The following LRMDA variants were observed in gnomAD, a reference collection of about 807,000 sequenced individuals.
LRMDA encodes the protein leucine rich melanocyte differentiation associated.
LRMDA carries 18 observed loss-of-function variants against 29.8 expected under a neutral mutation model. The ratio of observed to expected loss-of-function variants is 0.60; its 90% CI spans 0.42 to 0.90. The LOEUF is 0.90. LRMDA is among the 40% of genes least tolerant of loss of function. The pLI is 0.00. For synonymous variants in LRMDA, 125 were observed against 109.4 expected (o/e 1.14, Z -0.89); for missense variants, 273 against 273.9 (o/e 1.00, Z 0.02).
At chr10:76,362,708 C>T (rs74148455) in intron 6 of LRMDA, among the ~76,000 whole-genome samples, 3,240 of 152,194 alleles carry the variant, frequency 0.021, 129 homozygotes, top group African/African-American at 0.072. Context: ...TCCACCCTCC[C>T]GCCTTTTAGA....
chr10:75,881,945 A>G (rs1322422403), intron 2 of LRMDA, among the ~76,000 whole-genome samples: 1 of 152,216 alleles, frequency 6.6e-6, no homozygotes, highest in African/African-American at 2.4e-5. Flanking sequence ...GAAAAAGGAT[A>G]TGGTGTTGTG....
chr10:75,877,815 C>T (rs1276861831), intron 2 of LRMDA, among the ~76,000 whole-genome samples: 4 of 152,190 alleles, frequency 2.6e-5, no homozygotes, highest in South Asian at 4.1e-4. Flanking sequence ...CATTGCTAAT[C>T]GCATTGGTAC....
At chr10:76,222,409 C>G (rs1034185405) in intron 5 of LRMDA, among the ~76,000 whole-genome samples, 14 of 151,846 alleles carry the variant, frequency 9.2e-5, no homozygotes, top group Non-Finnish European at 1.3e-4. Flanking sequence ...CAATGAACTC[C>G]AACAAATTTA....
intron 2 of LRMDA, among the ~76,000 whole-genome samples, chr10:75,842,912 T>C (rs11001518): frequency 1.8e-4 from 28 of 151,776 alleles, no homozygotes; most frequent in Non-Finnish European, 3.8e-4. Flanking sequence ...TCCCAGCTAC[T>C]GGGAAGGCTG....
At chr10:75,588,013 A>G (rs1840677079) in intron 2 of LRMDA, among the ~76,000 whole-genome samples, 1 of 152,198 alleles carries the variant, frequency 6.6e-6, no homozygotes, top group South Asian at 2.1e-4. Flanking sequence ...GATAAAGAGA[A>G]ATGATAAAGG....
At chr10:76,021,169 C>T in intron 2 of LRMDA, among the ~76,000 whole-genome samples, 1 of 152,146 alleles carries the variant, frequency 6.6e-6, no homozygotes, top group Admixed American at 6.5e-5. Flanking sequence ...AGAAAGTGTT[C>T]AAATAGAAGT....
At chr10:75,927,576 T>C (rs975866967) in intron 2 of LRMDA, among the ~76,000 whole-genome samples, 1 of 152,322 alleles carries the variant, frequency 6.6e-6, no homozygotes, top group African/African-American at 2.4e-5. Flanking sequence ...AGTCCAGAAT[T>C]TAGGTGTTCG....
intron 2 of LRMDA, among the ~76,000 whole-genome samples, chr10:75,561,486 T>G (rs532545740): frequency 4.6e-5 from 7 of 152,250 alleles, no homozygotes; most frequent in African/African-American, 1.7e-4. Flanking sequence ...AACCAGCTCC[T>G]GGATTCATTA....
intron 2 of LRMDA, among the ~76,000 whole-genome samples, chr10:75,449,853 G>T (rs565609813): frequency 2.3e-4 from 35 of 152,256 alleles, no homozygotes; most frequent in African/African-American, 8.2e-4. Flanking sequence ...CCAGCCTTGG[G>T]ACTGGGGGAC....
At chr10:76,198,550 C>T (rs1044786529) in intron 5 of LRMDA, among the ~76,000 whole-genome samples, 2 of 152,210 alleles carry the variant, frequency 1.3e-5, no homozygotes, top group African/African-American at 4.8e-5. Context: ...TAATGGCCTG[C>T]TTAATTGCTG....
intron 2 of LRMDA, among the ~76,000 whole-genome samples, chr10:75,655,637 A>G (rs1301243860): frequency 1.3e-5 from 2 of 152,170 alleles, no homozygotes; most frequent in Non-Finnish European, 2.9e-5. Flanking sequence ...CCAGAACCTG[A>G]GGTCTGGGCA....
rs1351086305 is a variant in LRMDA at position 75,902,436 on chromosome 10, C to T, written c.132-133572C>T. On this transcript the variant is annotated intron_variant, in intron 2 of 6. Coordinates refer to ENST00000611255, the MANE Select transcript of LRMDA (RefSeq NM_001305581.2). ...GAGTGGGCCTTCTAAAGTGCTTGGC[C>T]TTGGGCAGGGGGCTCTAGTTACTTG... 9.2e-5 allele frequency among the ~76,000 whole-genome samples: 14 copies of T among 152,158 alleles called. No individual in the cohort carries two copies. In the East Asian group the frequency reaches 2.3e-3, roughly 25 times the overall value.
At chr10:75,618,366 CTCTCTCTCTCTCTCTCTA>C (rs1321354697) in intron 2 of LRMDA, among the ~76,000 whole-genome samples, 20 of 45,774 alleles carry the variant, frequency 4.4e-4, no homozygotes, top group Non-Finnish European at 8.3e-4. Context: ...CTCTCTCTCT[CTCTCTCTCTCTCTCTCTA>C]TATATATATA....
At chr10:75,521,423 C>A (rs1444187529) in intron 2 of LRMDA, among the ~76,000 whole-genome samples, 1 of 152,242 alleles carries the variant, frequency 6.6e-6, no homozygotes, top group Non-Finnish European at 1.5e-5. Flanking sequence ...TGGCAGACGC[C>A]CCTCCCCCTG....
intron 2 of LRMDA, among the ~76,000 whole-genome samples, chr10:75,581,223 G>T (rs1564806331): frequency 6.6e-6 from 1 of 151,708 alleles, no homozygotes; most frequent in East Asian, 1.9e-4. Flanking sequence ...AAATTTATGA[G>T]AAAAAAACAA....
chr10:76,317,018 G>A (rs1840708165), intron 5 of LRMDA, among the ~76,000 whole-genome samples: 1 of 152,208 alleles, frequency 6.6e-6, no homozygotes, highest in African/African-American at 2.4e-5. Flanking sequence ...AAAAGAGACA[G>A]GTGCCCAGTG....
At chr10:75,890,636 T>C (rs1249896386) in intron 2 of LRMDA, among the ~76,000 whole-genome samples, 1 of 152,108 alleles carries the variant, frequency 6.6e-6, no homozygotes, top group Admixed American at 6.5e-5. Context: ...ATGATGATAG[T>C]GAAGAGGACC....
chr10:76,546,154 C>A (rs769228699), intron 6 of LRMDA, among the ~76,000 whole-genome samples: 1 of 152,186 alleles, frequency 6.6e-6, no homozygotes, highest in Non-Finnish European at 1.5e-5. Flanking sequence ...GAGATCTTTT[C>A]ATCTATTCCA....
chr10:76,435,126 C>T (rs1375397928), intron 6 of LRMDA, among the ~76,000 whole-genome samples: 1 of 152,118 alleles, frequency 6.6e-6, no homozygotes, highest in African/African-American at 2.4e-5. Flanking sequence ...ATAGTCCTTC[C>T]CAGTACTTAA....
Sources: allele counts gnomAD v4.1 joint callset (sites outside exome capture counted in the v4.1 genomes callset), GRCh38; gene constraint gnomAD v4.1.1; transcripts MANE v1.5; gene names NCBI Gene and HGNC (gene_info 2026-07-23, HGNC 2026-07-21).